The following TG variants were observed in gnomAD, a reference collection of about 807,000 sequenced individuals.
TG encodes the protein thyroid hormones.
Under a neutral mutation model 324.7 loss-of-function variants are expected in TG, and 270 were observed. The ratio of observed to expected loss-of-function variants is 0.83; its 90% CI spans 0.75 to 0.92. The LOEUF is 0.92. TG is among the 40% of genes least tolerant of loss of function. The pLI is 0.00. For synonymous variants in TG, 1,401 were observed against 1,327.0 expected, an observed-to-expected ratio of 1.06 and a Z score of -1.21; for missense variants, 3,591 against 3,456.4, an observed-to-expected ratio of 1.04 and a Z score of -0.98.
rs536291459 is a variant in TG at position 132,875,305 on chromosome 8, C to A, written c.638+2084C>A. On this transcript the variant is annotated intron_variant, in intron 5 of 47. Transcript: ENST00000220616. ...TTTATTGAGTACTTATTGCTGCAAA[C>A]CAATGTGTTCTCAGTTCAAGATCAC... 1.4e-3 allele frequency among the ~76,000 whole-genome samples: 209 copies of A among 152,274 alleles called. 1 individual carries two copies. Among genetic ancestry groups the A allele is most frequent in the African/African-American group, 5.0e-3 (206 of 41,568 alleles).
At chr8:132,892,437 G>A (rs1188595410) in intron 10 of TG, among the ~76,000 whole-genome samples, 1 of 152,194 alleles carries the variant, frequency 6.6e-6, no homozygotes, top group African/African-American at 2.4e-5. Context: ...TTATTGGGCT[G>A]TTGCATCAAT....
chr8:132,893,687 T>C lies in TG; in HGVS notation c.2762-3T>C. On this transcript the variant is annotated splice_polypyrimidine_tract_variant and splice_region_variant and intron_variant, in intron 10 of 47. Transcript: ENST00000220616. Reference sequence around the variant, plus strand: ...TCCATCTGTGTTATTTTTATTCCCCTAGGTCCTGGCTCCTGTGAGGAAGCA... The same window carrying C: ...TCCATCTGTGTTATTTTTATTCCCCCAGGTCCTGGCTCCTGTGAGGAAGCA... The C allele has an allele frequency of 1.2e-6, 2 of 1,613,758 alleles. No individual in the cohort carries two copies. Among genetic ancestry groups the C allele is most frequent in the Non-Finnish European group, 8.5e-7 (1 of 1,179,848 alleles).
intron 45 of TG, among the ~76,000 whole-genome samples, chr8:133,129,927 C>T (rs928672880): frequency 1.3e-5 from 2 of 152,200 alleles, no homozygotes; most frequent in Non-Finnish European, 2.9e-5. Context: ...CTCCAAAACC[C>T]TGCAATGGGA....
At position 132,871,484 on chromosome 8, in the gene TG, G is replaced by T; in HGVS notation, c.411G>T (p.Gln137His). The T allele has an allele frequency of 6.2e-7, 1 of 1,614,216 alleles. No individual in the cohort carries two copies. The highest frequency in any genetic ancestry group is 8.5e-7 in the Non-Finnish European group (1 of 1,180,038). The change falls in exon 4 of 48, where the codon CAG (glutamine) becomes CAT (histidine). Residue 137 changes from glutamine to histidine, a missense_variant. Physicochemically the swap from Gln to His is conservative, Grantham distance 24. Coordinates refer to ENST00000220616, the MANE Select transcript of TG (RefSeq NM_003235.5). ...APVQCDVQQV[Q>H]CWCVDAEGME... ...TTCAGTGTGATGTGCAGCAGGTCCA[G>T]TGCTGGTGTGTGGACGCAGAGGGGA...
At chr8:132,972,575 TG>T (rs201822099) in intron 33 of TG, 22 bp from the exon 34 acceptor site, 18,909 of 1,322,868 alleles carry the variant, frequency 0.014, 354 homozygotes, top group African/African-American at 0.045. Context: ...TGTGGTTTTT[TG>T]TTTTTTTTTT....
At chr8:132,992,157 G>A (rs111235991) in intron 35 of TG, among the ~76,000 whole-genome samples, 1,827 of 152,244 alleles carry the variant, frequency 0.012, 22 homozygotes, top group Non-Finnish European at 0.02. Context: ...CTTTGTACCA[G>A]GCACTAAGCA....
In TG at chr8:132,917,388, ATG is replaced by A. The variant is rs34975986; in HGVS notation, c.4379-1968_4379-1967del. On this transcript the variant is annotated intron_variant, in intron 20 of 47. Coordinates refer to ENST00000220616, the MANE Select transcript of TG (RefSeq NM_003235.5). ...AGGTAGTGCATGTTTGTGCATGTAT[ATG>A]TGTGTGTGTGTGTGTGTGTATACCT... is the stretch of plus-strand genomic sequence containing the variant. 3.9e-3 allele frequency among the ~76,000 whole-genome samples: 581 copies of A among 149,870 alleles called. 2 individuals are homozygous for A. Among genetic ancestry groups the A allele is most frequent in the African/African-American group, 0.013 (529 of 40,884 alleles).
chr8:132,984,544 A>G (rs966453893), intron 35 of TG, among the ~76,000 whole-genome samples: 3 of 152,216 alleles, frequency 2.0e-5, no homozygotes, highest in Admixed American at 6.5e-5. Context: ...CCAAACAGAT[A>G]ATACATGTGC....
chr8:133,085,013 C>T (rs1357340978), intron 41 of TG, among the ~76,000 whole-genome samples: 1 of 152,236 alleles, frequency 6.6e-6, no homozygotes, highest in East Asian at 1.9e-4. Flanking sequence ...AAAAGAGGCA[C>T]AGTCGTGTCT....
At chr8:132,935,629 T>C in intron 24 of TG, 127 bp from the exon 25 acceptor site, 1 of 794,146 alleles carries the variant, frequency 1.3e-6, no homozygotes, top group Non-Finnish European at 2.2e-6. Context: ...TCTCCTCCAA[T>C]AGACCAGGAG....
chr8:132,882,886 G>A lies in TG; in HGVS notation c.962G>A (p.Arg321Gln), dbSNP rs753308520. Reference sequence around the variant, plus strand: ...CACCCCTATGTTCCAAGCTGCCGCCGAAATGGCGACTATCAGGCGGTGCAG... The same window carrying A: ...CACCCCTATGTTCCAAGCTGCCGCCAAAATGGCGACTATCAGGCGGTGCAG... ...FGHPYVPSCR[R>Q]NGDYQAVQCQ... Residue 321 changes from arginine (R) to glutamine (Q), a missense_variant, in exon 8 of 48, where the codon CGA becomes CAA. By Grantham distance (43) the Arg-to-Gln change is conservative. Transcript: ENST00000220616. 36 of 1,614,106 alleles carry A rather than the reference G, an allele frequency of 2.2e-5. No individual in the cohort carries two copies. Among genetic ancestry groups the A allele is most frequent in the South Asian group, 1.1e-4 (10 of 91,094 alleles).
chr8:133,051,238 C>T (rs1265047875), intron 41 of TG, among the ~76,000 whole-genome samples: 1 of 152,216 alleles, frequency 6.6e-6, no homozygotes, highest in Admixed American at 6.5e-5. Flanking sequence ...CTACTAGCCT[C>T]ACCCTCTCCA....
At chr8:133,045,828 T>C (rs1211423732) in intron 41 of TG, among the ~76,000 whole-genome samples, 2 of 151,648 alleles carry the variant, frequency 1.3e-5, no homozygotes, top group Admixed American at 1.3e-4. Flanking sequence ...TCCCGAGTAC[T>C]CTCCAAGATG....
intron 2 of TG, among the ~76,000 whole-genome samples, chr8:132,869,451 C>T (rs960928322): frequency 1.3e-5 from 2 of 152,156 alleles, no homozygotes; most frequent in Admixed American, 6.5e-5. Context: ...GGCTGAAGCC[C>T]TGCACTCCAG....
intron 41 of TG, among the ~76,000 whole-genome samples, chr8:133,056,751 AATC>A (rs1434574794): frequency 6.6e-6 from 1 of 152,202 alleles, no homozygotes; most frequent in Admixed American, 6.5e-5. Context: ...AAGCGGCTCT[AATC>A]ATTCCCGTTT....
intron 43 of TG, among the ~76,000 whole-genome samples, chr8:133,107,636 C>G (rs1849917584): frequency 6.6e-6 from 1 of 152,184 alleles, no homozygotes; most frequent in Non-Finnish European, 1.5e-5. Context: ...CCCTTGCACC[C>G]CAGTGGGGCT....
intron 11 of TG, among the ~76,000 whole-genome samples, chr8:132,895,376 C>A (rs1046613983): frequency 1.3e-5 from 2 of 152,250 alleles, no homozygotes; most frequent in African/African-American, 2.4e-5. Context: ...GTGTCTATGG[C>A]CAGCGTGGGA....
chr8:133,029,511 T>C lies in TG; in HGVS notation c.7037-310T>C, dbSNP rs187917432. Among the ~76,000 whole-genome samples, 5 of 152,272 alleles carry C rather than the reference T, an allele frequency of 3.3e-5. No individual in the cohort carries two copies. The East Asian group carries it at 7.7e-4, about 24-fold the overall frequency. ...AATCTGAGCAACTCCCCTCAGCTAA[T>C]GACAGGGAAGCTGTGGCTCAGAGAG... On this transcript the variant is annotated intron_variant, in intron 40 of 47. Coordinates refer to ENST00000220616, the MANE Select transcript of TG (RefSeq NM_003235.5).
Position 132,898,265 on chromosome 8 carries a change from G to T in TG, c.3217+19G>T, listed in dbSNP as rs778600212. 3 of 1,575,756 alleles carry T rather than the reference G, an allele frequency of 1.9e-6. No individual in the cohort carries two copies. Among genetic ancestry groups the T allele is most frequent in the East Asian group, 4.6e-5 (2 of 43,804 alleles). On this transcript the variant is annotated intron_variant, in intron 13 of 47. Transcript: ENST00000220616. ...CCACAGTGTAAGTGAAGACTGCAGA[G>T]TTCTCCTCCTGACCCCCCTTGGTGG... is the stretch of plus-strand genomic sequence containing the variant.
Sources: allele counts gnomAD v4.1 joint callset (sites outside exome capture counted in the v4.1 genomes callset), GRCh38; gene constraint gnomAD v4.1.1; transcripts MANE v1.5; gene names NCBI Gene and HGNC (gene_info 2026-07-23, HGNC 2026-07-21).